The following LARGE1 variants were observed in gnomAD, a reference collection of about 807,000 sequenced individuals.
LARGE1 encodes LARGE xylosyl- and glucuronyltransferase 1.
Under a neutral mutation model 87.6 loss-of-function variants are expected in LARGE1, and 43 were observed. The ratio of observed to expected loss-of-function variants is 0.49; its 90% CI spans 0.38 to 0.63. The LOEUF (loss-of-function observed/expected upper bound fraction) is 0.63. Ranked by LOEUF, LARGE1 falls within the 30% of genes least tolerant of loss-of-function variation. The probability of loss-of-function intolerance (pLI) is 0.00; values close to 1 mark genes in which losing one functional copy is unlikely to be tolerated. For synonymous variants in LARGE1, 434 were observed against 394.6 expected, an observed-to-expected ratio of 1.10 and a Z score of -1.18; for missense variants, 802 against 1,000.2, an observed-to-expected ratio of 0.80 and a Z score of 2.67.
At chr22:33,459,148 C>G (rs2068260299) in intron 6 of LARGE1, among the ~76,000 whole-genome samples, 1 of 152,108 alleles carries the variant, frequency 6.6e-6, no homozygotes, top group Admixed American at 6.6e-5. Flanking sequence ...CCAACAGACC[C>G]TGGTGTGTGT....
chr22:33,114,045 A>ATTTTTTTTTTTTTTTTTTTTT, the LARGE1 span, among the ~76,000 whole-genome samples: 1 of 135,748 alleles, frequency 7.4e-6, no homozygotes, highest in African/African-American at 2.8e-5. Context: ...TAATTTTTCT[A>ATTTTTTTTTTTTTTTTTTTTT]TTTTTTTTTT....
chr22:33,251,742 C>A (rs867378399), intron 11 of LARGE1, among the ~76,000 whole-genome samples: 3 of 152,194 alleles, frequency 2.0e-5, no homozygotes, highest in Non-Finnish European at 4.4e-5. Flanking sequence ...CCACAGCTGT[C>A]CAACTTTGGT....
chr22:33,900,939 C>T (rs77881837), intron 1 of LARGE1, among the ~76,000 whole-genome samples: 7,776 of 152,054 alleles, frequency 0.051, 229 homozygotes, highest in East Asian at 0.12. Flanking sequence ...CCCACCTACT[C>T]GGGAGGCTGA....
At chr22:33,471,029 C>CTTTTTT (rs372332553) in intron 6 of LARGE1, among the ~76,000 whole-genome samples, 6 of 129,728 alleles carry the variant, frequency 4.6e-5, no homozygotes, top group East Asian at 2.3e-4. Context: ...TCTTCTTCTT[C>CTTTTTT]TTTTTTTTTT....
At chr22:33,907,019 A>T (rs2065475189) in intron 1 of LARGE1, among the ~76,000 whole-genome samples, 1 of 152,120 alleles carries the variant, frequency 6.6e-6, no homozygotes, top group South Asian at 2.1e-4. Context: ...GAAAATGGCA[A>T]AAGCTAAGAC....
chr22:33,884,358 C>T (rs1200761394), intron 1 of LARGE1, among the ~76,000 whole-genome samples: 1 of 152,194 alleles, frequency 6.6e-6, no homozygotes, highest in Non-Finnish European at 1.5e-5. Context: ...ATGGCATTAA[C>T]GAGTGTGCTC....
At chr22:33,458,366 AG>A (rs1003527679) in intron 6 of LARGE1, among the ~76,000 whole-genome samples, 49 of 152,126 alleles carry the variant, frequency 3.2e-4, no homozygotes, top group African/African-American at 1.2e-3. Flanking sequence ...GGCCTCCCAA[AG>A]TGCTGGGATT....
intron 6 of LARGE1, among the ~76,000 whole-genome samples, chr22:33,456,985 C>T (rs979811339): frequency 1.4e-4 from 21 of 152,180 alleles, no homozygotes; most frequent in Non-Finnish European, 2.6e-4. Flanking sequence ...CAGAGAAGGG[C>T]AAAGCCAGGC....
At chr22:33,455,757 CAAA>C (rs35353034) in intron 6 of LARGE1, among the ~76,000 whole-genome samples, 4 of 64,212 alleles carry the variant, frequency 6.2e-5, no homozygotes, top group Non-Finnish European at 8.7e-5. Flanking sequence ...CTGTCTCAGC[CAAA>C]AAAAAAAAAA....
chr22:33,518,333 T>C (rs5998988), intron 6 of LARGE1, among the ~76,000 whole-genome samples: 1,701 of 152,324 alleles, frequency 0.011, 36 homozygotes, highest in African/African-American at 0.039. Context: ...GATTTGTTTT[T>C]GTTTTGAGAC....
chr22:33,843,905 C>T (rs2063353189), intron 1 of LARGE1, among the ~76,000 whole-genome samples: 1 of 152,014 alleles, frequency 6.6e-6, no homozygotes, highest in South Asian at 2.1e-4. Flanking sequence ...CATTAAAACT[C>T]CGTCTCTACT....
intron 7 of LARGE1, among the ~76,000 whole-genome samples, chr22:33,403,084 T>C (rs552487077): frequency 5.5e-4 from 84 of 152,108 alleles, no homozygotes; most frequent in African/African-American, 1.5e-3. Flanking sequence ...AAATACTACA[T>C]AGTACAATCT....
intron 1 of LARGE1, among the ~76,000 whole-genome samples, chr22:33,838,805 T>A (rs979627259): frequency 6.6e-6 from 1 of 152,116 alleles, no homozygotes; most frequent in Non-Finnish European, 1.5e-5. Flanking sequence ...CTCCTGGGTC[T>A]CCCTGATTGT....
At chr22:33,773,826 A>C (rs1490863580) in intron 1 of LARGE1, among the ~76,000 whole-genome samples, 1 of 137,352 alleles carries the variant, frequency 7.3e-6, no homozygotes, top group Non-Finnish European at 1.6e-5. Flanking sequence ...GAAATCCAAA[A>C]TACGATTATC....
intron 2 of LARGE1, among the ~76,000 whole-genome samples, chr22:33,728,439 T>A (rs964522404): frequency 6.6e-6 from 1 of 150,400 alleles, no homozygotes; most frequent in Admixed American, 6.7e-5. Flanking sequence ...CTCAGGAGGC[T>A]GAGGCAGGAG....
chr22:33,748,024 CA>C (rs535230421), intron 2 of LARGE1, among the ~76,000 whole-genome samples: 122 of 21,726 alleles, frequency 5.6e-3, no homozygotes, highest in East Asian at 0.029. Context: ...TCTGCTGGAG[CA>C]AAAAAAAAAA....
chr22:33,719,546 A>G (rs1457035362), intron 2 of LARGE1, among the ~76,000 whole-genome samples: 1 of 147,044 alleles, frequency 6.8e-6, no homozygotes, highest in African/African-American at 2.5e-5. Context: ...TTTGAGACAG[A>G]GTCTCACTCT....
chr22:33,317,999 G>A (rs1384677736), intron 10 of LARGE1, among the ~76,000 whole-genome samples: 1 of 151,928 alleles, frequency 6.6e-6, no homozygotes, highest in Non-Finnish European at 1.5e-5. Flanking sequence ...CACTTTGGGA[G>A]GCTGAGGCAG....
chr22:33,304,156 G>T, intron 12 of LARGE1, 73 bp downstream of exon 12: 1 of 1,541,128 alleles, frequency 6.5e-7, no homozygotes, highest in Non-Finnish European at 8.9e-7. Context: ...TGACCCTAAG[G>T]GCCTTTTGGT....
Sources: gnomAD v4.1 joint callset for allele counts (sites outside exome capture counted in the v4.1 genomes callset) on GRCh38, gnomAD v4.1.1 for gene constraint, MANE v1.5 for transcripts, NCBI Gene and HGNC (gene_info 2026-07-23, HGNC 2026-07-21) for gene names.